The following ZNF385D variants were observed in gnomAD, a reference collection of about 807,000 sequenced individuals.
The protein encoded by ZNF385D is zinc finger protein 385D.
In ZNF385D, 15 loss-of-function variants were observed where a neutral mutation model predicts 35.8. The observed-to-expected ratio is 0.42, with a 90% CI of 0.28 to 0.64. The LOEUF is 0.64. ZNF385D is among the 30% of genes least tolerant of loss of function. The pLI is 0.23. For missense variants in ZNF385D, 474 were observed against 494.6 expected (o/e 0.96, Z 0.39); for synonymous variants, 212 against 186.8 (o/e 1.13, Z -1.10).
chr3:21,823,262 T>A (rs1694390432), intron 3 of ZNF385D, among the ~76,000 whole-genome samples: 1 of 152,216 alleles, frequency 6.6e-6, no homozygotes, highest in Admixed American at 6.5e-5. Context: ...ATTTGGTAAG[T>A]TAAAATTAGT....
intron 3 of ZNF385D, among the ~76,000 whole-genome samples, chr3:21,796,983 C>T (rs2072182880): frequency 6.6e-6 from 1 of 152,122 alleles, no homozygotes; most frequent in African/African-American, 2.4e-5. Flanking sequence ...TGGCATGATC[C>T]ATGCAAGAAA....
intron 2 of ZNF385D, among the ~76,000 whole-genome samples, chr3:22,255,828 T>C (rs1407719068): frequency 6.6e-6 from 1 of 151,446 alleles, no homozygotes; most frequent in South Asian, 2.1e-4. Context: ...CTTTCCTTAC[T>C]AATTGTGATG....
chr3:21,457,089 G>A (rs917002597), intron 4 of ZNF385D, among the ~76,000 whole-genome samples: 11 of 152,138 alleles, frequency 7.2e-5, no homozygotes, highest in South Asian at 2.1e-4. Context: ...GATCCTTAGC[G>A]TCTAGAATGG....
intron 2 of ZNF385D, among the ~76,000 whole-genome samples, chr3:22,192,539 A>G (rs1394894936): frequency 6.6e-6 from 1 of 152,054 alleles, no homozygotes; most frequent in Admixed American, 6.6e-5. Context: ...TCTGAGGGAA[A>G]CCAGCTGCCA....
At chr3:22,276,863 C>G (rs745363819) in intron 2 of ZNF385D, among the ~76,000 whole-genome samples, 13 of 151,916 alleles carry the variant, frequency 8.6e-5, no homozygotes, top group Non-Finnish European at 1.8e-4. Flanking sequence ...AGTTTCTTTT[C>G]CTGTTCTAAA....
intron 2 of ZNF385D, among the ~76,000 whole-genome samples, chr3:21,640,503 G>C (rs150875710): frequency 6.6e-6 from 1 of 152,164 alleles, no homozygotes; most frequent in East Asian, 1.9e-4. Context: ...GAGGTAATTA[G>C]GTTTAGAGGC....
At chr3:22,137,866 G>C (rs1215101463) in intron 3 of ZNF385D, among the ~76,000 whole-genome samples, 1 of 151,974 alleles carries the variant, frequency 6.6e-6, no homozygotes, top group Non-Finnish European at 1.5e-5. Flanking sequence ...ATTAGGAAAA[G>C]AGGAAGTCAA....
At chr3:22,256,892 T>C (rs1390669428) in intron 2 of ZNF385D, among the ~76,000 whole-genome samples, 1 of 151,898 alleles carries the variant, frequency 6.6e-6, no homozygotes. Context: ...GATGTCACAT[T>C]TTGTAACCCT....
chr3:21,591,031 C>G (rs527382990), intron 2 of ZNF385D, among the ~76,000 whole-genome samples: 102 of 147,916 alleles, frequency 6.9e-4, no homozygotes, highest in Non-Finnish European at 1.2e-3. Context: ...CTTGTCTCCC[C>G]AAAAAAAAAA....
At chr3:21,947,320 T>C (rs1302100841) in intron 3 of ZNF385D, among the ~76,000 whole-genome samples, 2 of 151,902 alleles carry the variant, frequency 1.3e-5, no homozygotes, top group Non-Finnish European at 2.9e-5. Flanking sequence ...GTTATGTCTT[T>C]CAAGGCTCTT....
chr3:21,429,551 T>C (rs1198048390), intron 5 of ZNF385D, among the ~76,000 whole-genome samples: 1 of 152,134 alleles, frequency 6.6e-6, no homozygotes, highest in Non-Finnish European at 1.5e-5. Flanking sequence ...TTTGATTGTT[T>C]CCTTGGGATA....
intron 3 of ZNF385D, among the ~76,000 whole-genome samples, chr3:21,806,664 A>G (rs928767824): frequency 4.1e-4 from 63 of 152,334 alleles, no homozygotes; most frequent in African/African-American, 1.4e-3. Context: ...CAGTACAAGA[A>G]AACATATGTT....
chr3:21,640,906 G>A lies in ZNF385D; in HGVS notation c.165+23980C>T, dbSNP rs9839233. Among the ~76,000 whole-genome samples the A allele has an allele frequency of 4.5e-3, 692 of 152,124 alleles. 7 individuals carry two copies. The highest frequency in any genetic ancestry group is 0.016 in the African/African-American group (652 of 41,520). On this transcript the variant is annotated intron_variant, in intron 2 of 7. Transcript: ENST00000281523. ...GAATGTTTTGTGAATGTATTCTTTC[G>A]TGTTTGTGACTGCACATGTGAGAAC...
intron 2 of ZNF385D, among the ~76,000 whole-genome samples, chr3:22,258,618 G>C (rs1231251032): frequency 1.3e-5 from 2 of 151,416 alleles, no homozygotes; most frequent in Non-Finnish European, 3.0e-5. Context: ...CAAACTTTTT[G>C]GTCTCAGAAC....
At chr3:22,173,327 T>C (rs1008975728) in intron 2 of ZNF385D, among the ~76,000 whole-genome samples, 1 of 152,174 alleles carries the variant, frequency 6.6e-6, no homozygotes, top group Non-Finnish European at 1.5e-5. Context: ...TCATTAATAA[T>C]AATGTATTAT....
intron 2 of ZNF385D, among the ~76,000 whole-genome samples, chr3:21,610,782 A>G (rs2125788585): frequency 6.6e-6 from 1 of 151,992 alleles, no homozygotes; most frequent in Non-Finnish European, 1.5e-5. Flanking sequence ...CCCCCCCAAA[A>G]AAAAAAAACA....
intron 2 of ZNF385D, among the ~76,000 whole-genome samples, chr3:22,279,188 A>G (rs1361569102): frequency 2.6e-5 from 4 of 151,966 alleles, no homozygotes; most frequent in African/African-American, 7.2e-5. Context: ...GCCAATTCTG[A>G]GATCTTGGTG....
At chr3:21,908,052 A>C (rs945195853) in intron 3 of ZNF385D, among the ~76,000 whole-genome samples, 1 of 152,096 alleles carries the variant, frequency 6.6e-6, no homozygotes, top group Non-Finnish European at 1.5e-5. Context: ...TGTTTAAAAC[A>C]TTACTGATAG....
intron 5 of ZNF385D, 124 bp downstream of exon 5, chr3:21,436,846 G>T: frequency 1.1e-6 from 1 of 902,786 alleles, no homozygotes; most frequent in Non-Finnish European, 1.7e-6. Context: ...AATGGTTAAT[G>T]ATTTCCATGT....
Sources: gnomAD v4.1 joint callset for allele counts (sites outside exome capture counted in the v4.1 genomes callset) on GRCh38, gnomAD v4.1.1 for gene constraint, MANE v1.5 for transcripts, NCBI Gene and HGNC (gene_info 2026-07-23, HGNC 2026-07-21) for gene names.